Variants in SNTG1 observed in about 807,000 individuals in gnomAD.
The protein encoded by SNTG1 is gamma-1-syntrophin.
In SNTG1, 39 loss-of-function variants were observed where a neutral mutation model predicts 74.7. That is an observed-to-expected ratio of 0.52 (90% CI 0.40 to 0.68). The LOEUF is 0.68. Among genes scored for constraint, SNTG1 ranks in the 30% least tolerant of loss-of-function variants. SNTG1 has a pLI of 0.00. For missense variants in SNTG1, 685 were observed against 609.5 expected (o/e 1.12, Z -1.30); for synonymous variants, 254 against 217.1 (o/e 1.17, Z -1.49).
chr8:50,685,482 A>T (rs965827529), intron 15 of SNTG1, among the ~76,000 whole-genome samples: 1 of 152,196 alleles, frequency 6.6e-6, no homozygotes, highest in Non-Finnish European at 1.5e-5. Context: ...TATATTTTTT[A>T]AAAAACATAT....
intron 13 of SNTG1, among the ~76,000 whole-genome samples, chr8:50,642,276 T>A (rs543467910): frequency 6.6e-6 from 1 of 152,298 alleles, no homozygotes; most frequent in Admixed American, 6.5e-5. Context: ...GTCTCTATCA[T>A]CTCTCACCTG....
intron 2 of SNTG1, among the ~76,000 whole-genome samples, chr8:50,231,249 T>C (rs2085607331): frequency 6.6e-6 from 1 of 151,164 alleles, no homozygotes; most frequent in Non-Finnish European, 1.5e-5. Context: ...TTGGCACAGA[T>C]ATGAGAAAAG....
chr8:50,331,722 ATAC>A (rs1239602489), intron 2 of SNTG1, among the ~76,000 whole-genome samples: 2 of 152,154 alleles, frequency 1.3e-5, no homozygotes, highest in African/African-American at 2.4e-5. Flanking sequence ...ATAGAGAAGG[ATAC>A]TGAATCAAGG....
chr8:50,696,704 G>C (rs2095406534), intron 15 of SNTG1, among the ~76,000 whole-genome samples: 1 of 151,938 alleles, frequency 6.6e-6, no homozygotes, highest in South Asian at 2.1e-4. Flanking sequence ...CCTTTACCCA[G>C]TGTATATTCT....
chr8:50,773,684 G>T (rs2095632952), intron 18 of SNTG1, among the ~76,000 whole-genome samples: 1 of 152,078 alleles, frequency 6.6e-6, no homozygotes, highest in South Asian at 2.1e-4. Context: ...TGAAATGCCA[G>T]TTTTAAACAA....
chr8:50,708,372 T>G (rs915720874), intron 16 of SNTG1: 2 of 153,936 alleles, frequency 1.3e-5, no homozygotes, highest in African/African-American at 4.8e-5. Flanking sequence ...GTAAGACTGT[T>G]AAGATCAAGA....
intron 2 of SNTG1, among the ~76,000 whole-genome samples, chr8:50,359,500 G>GCAACAA (rs1286893807): frequency 6.6e-6 from 1 of 152,090 alleles, no homozygotes; most frequent in Non-Finnish European, 1.5e-5. Context: ...TTGCATCTCT[G>GCAACAA]TTTTCCTTGT....
intron 12 of SNTG1, among the ~76,000 whole-genome samples, chr8:50,587,793 G>A (rs1032730705): frequency 1.4e-5 from 2 of 140,326 alleles, no homozygotes; most frequent in Admixed American, 7.4e-5. Context: ...GTGAGACTTC[G>A]TCTCAAAAAA....
chr8:50,538,124 C>G (rs1196103298), intron 11 of SNTG1, among the ~76,000 whole-genome samples: 1 of 152,052 alleles, frequency 6.6e-6, no homozygotes, highest in Admixed American at 6.6e-5. Flanking sequence ...GGTAATATAT[C>G]ACAGTCTACT....
At chr8:50,277,365 T>G (rs1339445307) in intron 2 of SNTG1, among the ~76,000 whole-genome samples, 1 of 152,144 alleles carries the variant, frequency 6.6e-6, no homozygotes, top group African/African-American at 2.4e-5. Context: ...GGTTTAATAT[T>G]CTTTTATACT....
At chr8:50,328,364 T>C (rs891429894) in intron 2 of SNTG1, among the ~76,000 whole-genome samples, 1 of 151,452 alleles carries the variant, frequency 6.6e-6, no homozygotes, top group Non-Finnish European at 1.5e-5. Context: ...CTTGCTTACA[T>C]GGTGTATTAG....
chr8:50,148,389 T>C (rs1280205891), intron 1 of SNTG1, among the ~76,000 whole-genome samples: 1 of 152,160 alleles, frequency 6.6e-6, no homozygotes, highest in Non-Finnish European at 1.5e-5. Context: ...TGAGAAATAG[T>C]AACTTTATTT....
intron 2 of SNTG1, among the ~76,000 whole-genome samples, chr8:50,256,512 A>G (rs1173308601): frequency 6.6e-6 from 1 of 152,134 alleles, no homozygotes; most frequent in African/African-American, 2.4e-5. Flanking sequence ...TGGATAAAAC[A>G]TGTCTTCAAA....
At chr8:50,259,690 T>C (rs2087084546) in intron 2 of SNTG1, among the ~76,000 whole-genome samples, 1 of 152,126 alleles carries the variant, frequency 6.6e-6, no homozygotes, top group Admixed American at 6.6e-5. Context: ...TATATGGATC[T>C]TGGAAGTTGT....
At chr8:50,272,691 A>G (rs1262925290) in intron 2 of SNTG1, among the ~76,000 whole-genome samples, 1 of 152,204 alleles carries the variant, frequency 6.6e-6, no homozygotes, top group Non-Finnish European at 1.5e-5. Context: ...GATTTGTATC[A>G]TGTACATGTG....
rs181020523 is a variant in SNTG1, at chr8:50,420,895, C to T, written c.163-17648C>T. 1.4e-3 allele frequency among the ~76,000 whole-genome samples: 219 copies of T among 151,498 alleles called. 1 individual carries two copies. Among genetic ancestry groups the T allele is most frequent in the African/African-American group, 4.9e-3 (203 of 41,326 alleles). ...CAAAAATTAGCTTTGTGTGGTGGCACGTGCCTGTGGTCCCAGCTACTTGGG... is the reference window on the plus strand; with the variant it reads ...CAAAAATTAGCTTTGTGTGGTGGCATGTGCCTGTGGTCCCAGCTACTTGGG... On this transcript the variant is annotated intron_variant, in intron 4 of 18. Transcript: ENST00000642720.
intron 5 of SNTG1, among the ~76,000 whole-genome samples, chr8:50,440,657 C>T (rs1287126031): frequency 3.3e-5 from 5 of 152,120 alleles, no homozygotes; most frequent in African/African-American, 4.8e-5. Flanking sequence ...AATACATAAA[C>T]GCATATCTTA....
intron 13 of SNTG1, among the ~76,000 whole-genome samples, chr8:50,631,799 A>G (rs748694719): frequency 1.3e-5 from 2 of 152,184 alleles, no homozygotes; most frequent in African/African-American, 4.8e-5. Context: ...TAAGAGACCT[A>G]TTCATCCCAT....
intron 1 of SNTG1, among the ~76,000 whole-genome samples, chr8:49,917,649 C>T (rs1414312780): frequency 2.0e-5 from 3 of 152,142 alleles, no homozygotes; most frequent in East Asian, 3.8e-4. Flanking sequence ...CAGATAAATC[C>T]CCCATGCTTT....
Sources: gnomAD v4.1 joint callset for allele counts (sites outside exome capture counted in the v4.1 genomes callset) on GRCh38, gnomAD v4.1.1 for gene constraint, MANE v1.5 for transcripts, NCBI Gene and HGNC (gene_info 2026-07-23, HGNC 2026-07-21) for gene names.